PEX14: variants seen among roughly 807,000 people sequenced by gnomAD.
PEX14 encodes peroxisomal biogenesis factor 14.
A neutral mutation model predicts 49.5 loss-of-function variants in PEX14; 15 were observed. That is an observed-to-expected ratio of 0.30 (90% CI 0.20 to 0.47). The LOEUF is 0.47. Ranked by LOEUF, PEX14 falls within the 20% of genes least tolerant of loss-of-function variation. The pLI is 1.00. For synonymous variants in PEX14, 210 were observed against 212.7 expected (o/e 0.99, Z 0.11); for missense variants, 398 against 494.8 (o/e 0.80, Z 1.86).
In PEX14 at chr1:10,556,032, G is replaced by A. The variant is rs558702147; in HGVS notation, c.169+19735G>A. 8.5e-5 allele frequency among the ~76,000 whole-genome samples: 13 copies of A among 152,190 alleles called. No individual in the cohort carries two copies. In the South Asian group the frequency reaches 2.7e-3, roughly 32 times the overall value. ...GGGCTGGCACTGCGGAGCCAGCGTGGACATTCCACCGAGCACGAGGCGAAA... is the reference window on the plus strand; with the variant it reads ...GGGCTGGCACTGCGGAGCCAGCGTGAACATTCCACCGAGCACGAGGCGAAA... On this transcript the variant is annotated intron_variant, in intron 3 of 8. Transcript: ENST00000356607.
chr1:10,528,674 A>C (rs1203990551), intron 2 of PEX14, among the ~76,000 whole-genome samples: 1 of 152,200 alleles, frequency 6.6e-6, no homozygotes, highest in African/African-American at 2.4e-5. Context: ...GAATATTGAA[A>C]ATATAAAACC....
chr1:10,523,696 A>G (rs1196842845), intron 2 of PEX14, among the ~76,000 whole-genome samples: 2 of 152,084 alleles, frequency 1.3e-5, no homozygotes, highest in African/African-American at 4.8e-5. Context: ...ATTAAAGTAC[A>G]TAAACCAAAA....
chr1:10,535,561 GGA>G (rs1638775113), intron 2 of PEX14, among the ~76,000 whole-genome samples: 1 of 152,226 alleles, frequency 6.6e-6, no homozygotes, highest in Admixed American at 6.5e-5. Flanking sequence ...GCCAGGCTCT[GGA>G]GAGAGTGTGG....
Position 10,629,737 on chromosome 1 carries a change from C to G in PEX14, c.884C>G (p.Pro295Arg). Residue 295 changes from proline (P) to arginine (R), a missense_variant, in exon 9 of 9, where the codon CCC (proline) becomes CGC (arginine). Physicochemically the swap from Pro to Arg is moderately radical, Grantham distance 103. This residue lies in a region of PEX14 where 140 missense variants were observed against 155.5 expected (regional missense o/e 0.90). Transcript: ENST00000356607. This position sits in a 1 kb window ranked among gnomAD's most constrained non-coding sequence, Gnocchi z 8.5. ...GSTVTYHLLG[P>R]QEEGEGVVDV... ...ACGGTCACCTACCACTTGCTGGGCC[C>G]CCAGGAGGAAGGCGAGGGGGTGGTG... 4 of 1,597,230 alleles carry G rather than the reference C, an allele frequency of 2.5e-6. No homozygotes were observed. Among genetic ancestry groups the G allele is most frequent in the Non-Finnish European group, 3.4e-6 (4 of 1,171,858 alleles).
intron 4 of PEX14, among the ~76,000 whole-genome samples, chr1:10,610,309 A>G (rs1641242034): frequency 6.8e-6 from 1 of 147,694 alleles, no homozygotes; most frequent in Non-Finnish European, 1.5e-5. Flanking sequence ...CCCAGAGTAT[A>G]TTTATTATAT....
In PEX14 at chr1:10,512,292, C is replaced by A. The variant is rs969605877; in HGVS notation, c.84+16971C>A. Reference sequence around the variant, plus strand: ...ATTTTTAAGGACTAGAGCTCTCAGACCAGGACTTTCTGGATCTTTTTTTCT... The same window carrying A: ...ATTTTTAAGGACTAGAGCTCTCAGAACAGGACTTTCTGGATCTTTTTTTCT... On this transcript the variant is annotated intron_variant, in intron 2 of 8. Transcript: ENST00000356607. This position sits in a 1 kb window ranked among gnomAD's most constrained non-coding sequence, Gnocchi z 4.6. Among the ~76,000 whole-genome samples, 6 of 152,100 alleles carry A rather than the reference C, an allele frequency of 3.9e-5. No individual in the cohort carries two copies. Among genetic ancestry groups the A allele is most frequent in the Non-Finnish European group, 7.4e-5 (5 of 68,024 alleles).
intron 3 of PEX14, among the ~76,000 whole-genome samples, chr1:10,559,588 C>T (rs1284751634): frequency 6.6e-6 from 1 of 152,176 alleles, no homozygotes; most frequent in Non-Finnish European, 1.5e-5. Flanking sequence ...GCCACGGCTG[C>T]TGCAGCTCTC....
At chr1:10,606,634 G>A (rs1641134105) in intron 4 of PEX14, among the ~76,000 whole-genome samples, 1 of 152,174 alleles carries the variant, frequency 6.6e-6, no homozygotes, top group Non-Finnish European at 1.5e-5. Flanking sequence ...TTGTATTCCT[G>A]TTCTTATAAC....
At chr1:10,535,847 G>C (rs1261249583) in intron 2 of PEX14, 1 of 357,880 alleles carries the variant, frequency 2.8e-6, no homozygotes, top group Non-Finnish European at 5.4e-6. Context: ...AGGAAAGGGA[G>C]GCCTTCCAGA....
chr1:10,575,193 CA>C (rs1640086916), intron 3 of PEX14, among the ~76,000 whole-genome samples: 1 of 151,974 alleles, frequency 6.6e-6, no homozygotes, highest in Non-Finnish European at 1.5e-5. Flanking sequence ...TATACCATTG[CA>C]AAGTTCAATG....
intron 3 of PEX14, among the ~76,000 whole-genome samples, chr1:10,540,602 A>G (rs1038652124): frequency 8.9e-5 from 4 of 44,702 alleles, no homozygotes; most frequent in African/African-American, 1.6e-4. Context: ...CATCTCCAGG[A>G]AAAAAAAAAT....
At chr1:10,576,176 T>G (rs1176345838) in intron 3 of PEX14, among the ~76,000 whole-genome samples, 1 of 152,166 alleles carries the variant, frequency 6.6e-6, no homozygotes, top group East Asian at 1.9e-4. Context: ...TTCCTTGCCT[T>G]TTATATTTTT....
chr1:10,586,695 AG>A (rs1640502775), intron 3 of PEX14, among the ~76,000 whole-genome samples: 1 of 124,658 alleles, frequency 8.0e-6, no homozygotes, highest in Non-Finnish European at 1.6e-5. Context: ...GCTGGAGTGC[AG>A]TGGCGTGATC....
At chr1:10,496,482 G>A (rs996654685) in intron 2 of PEX14, among the ~76,000 whole-genome samples, 1 of 152,140 alleles carries the variant, frequency 6.6e-6, no homozygotes, top group Non-Finnish European at 1.5e-5. Flanking sequence ...TGCCCCTCAG[G>A]CCGAAGTTGT....
intron 3 of PEX14, among the ~76,000 whole-genome samples, chr1:10,544,923 G>A (rs942339223): frequency 2.0e-5 from 3 of 151,902 alleles, no homozygotes; most frequent in Non-Finnish European, 2.9e-5. Flanking sequence ...CACCAAACCC[G>A]GCTAATTTTT....
At chr1:10,555,074 A>G (rs1372241283) in intron 3 of PEX14, among the ~76,000 whole-genome samples, 2 of 152,078 alleles carry the variant, frequency 1.3e-5, no homozygotes, top group Non-Finnish European at 2.9e-5. Context: ...CATGCTGGCC[A>G]TCGCGGGAAC....
chr1:10,526,955 G>A (rs536819181), intron 2 of PEX14, among the ~76,000 whole-genome samples: 1 of 152,176 alleles, frequency 6.6e-6, no homozygotes, highest in Non-Finnish European at 1.5e-5. Flanking sequence ...GCCCACACCT[G>A]TAAATCCCAG....
rs56824548 is a variant in PEX14 at position 10,555,642 on chromosome 1, A to AGTGTGTGTGTGT, written c.169+19359_169+19370dup. On this transcript the variant is annotated intron_variant, in intron 3 of 8. Coordinates refer to ENST00000356607, the MANE Select transcript of PEX14 (RefSeq NM_004565.3). ...GTGAGAGCAGAGCCGGCAAGGTGTG[A>AGTGTGTGTGTGT]GTGTGTGTGTGTGTGTGTGTGTGTG... is the stretch of plus-strand genomic sequence containing the variant. Among the ~76,000 whole-genome samples the AGTGTGTGTGTGT allele has an allele frequency of 5.6e-3, 835 of 149,460 alleles. 5 individuals carry two copies. Among genetic ancestry groups the AGTGTGTGTGTGT allele is most frequent in the East Asian group, 0.016 (77 of 4,966 alleles).
rs1332889113 is a variant in PEX14 at position 10,514,461 on chromosome 1, C to T, written c.84+19140C>T. ...TTCAATGTCCTGGCAGGAAATTGGT[C>T]TATTAGCGATTCACCTTCTTGGTGA... is the stretch of plus-strand genomic sequence containing the variant. On this transcript the variant is annotated intron_variant, in intron 2 of 8. Transcript: ENST00000356607. The surrounding 1 kb of genome is among the most constrained non-coding windows in gnomAD (Gnocchi z 4.4). Among the ~76,000 whole-genome samples, 1 of 152,158 alleles carries T rather than the reference C, an allele frequency of 6.6e-6. No individual in the cohort carries two copies. Among genetic ancestry groups the T allele is most frequent in the Non-Finnish European group, 1.5e-5 (1 of 68,034 alleles).
Sources: gnomAD v4.1 joint callset for allele counts (sites outside exome capture counted in the v4.1 genomes callset) on GRCh38, gnomAD v4.1.1 for gene constraint, gnomAD v4.1.1 regional missense constraint, Gnocchi (gnomAD v3.1) non-coding constraint, MANE v1.5 for transcripts, NCBI Gene and HGNC (gene_info 2026-07-23, HGNC 2026-07-21) for gene names.